The following BBX variants were observed in gnomAD, a reference collection of about 807,000 sequenced individuals.
BBX encodes the protein HMG box transcription factor BBX.
BBX carries 30 observed loss-of-function variants against 100.2 expected under a neutral mutation model. The observed-to-expected ratio is 0.30, with a 90% CI of 0.22 to 0.41. The LOEUF (loss-of-function observed/expected upper bound fraction) is 0.41, where lower values mean the gene tolerates loss of function less well. BBX is among the 10% of genes least tolerant of loss of function. BBX has a pLI of 1.00. For synonymous variants in BBX, 376 were observed against 388.1 expected, an observed-to-expected ratio of 0.97 and a Z score of 0.37; for missense variants, 1,023 against 1,129.8, an observed-to-expected ratio of 0.91 and a Z score of 1.35.
chr3:107,621,210 G>A (rs574795010), intron 2 of BBX, among the ~76,000 whole-genome samples: 3 of 152,226 alleles, frequency 2.0e-5, no homozygotes, highest in African/African-American at 7.2e-5. Context: ...ACTTTTGGGG[G>A]GAGCTGGCTT....
intron 2 of BBX, among the ~76,000 whole-genome samples, chr3:107,625,316 C>T (rs753718710): frequency 3.0e-4 from 46 of 152,122 alleles, no homozygotes; most frequent in Non-Finnish European, 5.9e-4. Context: ...CTCACTCTGT[C>T]TCCCAGTCTG....
intron 7 of BBX, among the ~76,000 whole-genome samples, chr3:107,739,204 A>G (rs1424231080): frequency 6.6e-6 from 1 of 152,202 alleles, no homozygotes; most frequent in Non-Finnish European, 1.5e-5. Flanking sequence ...TATTTGAATT[A>G]ATTAGATATG....
At chr3:107,597,527 TG>T (rs1156875083) in intron 2 of BBX, among the ~76,000 whole-genome samples, 3 of 152,186 alleles carry the variant, frequency 2.0e-5, no homozygotes, top group African/African-American at 4.8e-5. Context: ...TGAATATTAT[TG>T]GGGAAAGAGT....
intron 3 of BBX, among the ~76,000 whole-genome samples, chr3:107,691,057 C>T (rs1160773435): frequency 6.6e-6 from 1 of 151,900 alleles, no homozygotes; most frequent in Non-Finnish European, 1.5e-5. Flanking sequence ...CCGGTGTGCA[C>T]CACCATGCCT....
In BBX at chr3:107,716,718, A is replaced by G. The variant is rs1285434646; in HGVS notation, c.274A>G (p.Lys92Glu). ...AATGAATGCATTTCTTTTATTTTGC[A>G]AACGCCATCGCTCTCTTGTACGTCA... is the stretch of plus-strand genomic sequence containing the variant. ...RPMNAFLLFC[K>E]RHRSLVRQEH... is the part of the protein sequence containing the mutation. Residue 92 changes from lysine to glutamate, a missense_variant, in exon 5 of 18, where the codon AAA becomes GAA. By Grantham distance (56) the Lys-to-Glu change is moderately conservative (BLOSUM62 1). This residue lies in a region of BBX where 229 missense variants were observed against 226.3 expected (regional missense o/e 1.01). Transcript: ENST00000325805. 5.0e-6 allele frequency: 8 copies of G among 1,613,840 alleles called. No homozygotes were observed. The South Asian group carries it at 7.7e-5, about 16-fold the overall frequency.
intron 2 of BBX, among the ~76,000 whole-genome samples, chr3:107,599,133 G>A (rs944145242): frequency 1.3e-5 from 2 of 152,174 alleles, no homozygotes; most frequent in African/African-American, 4.8e-5. Flanking sequence ...TAGTTTACCA[G>A]ATTGACAGAG....
rs146335133 is a variant in BBX, at chr3:107,586,419, A to G, written c.-83-59417A>G. On this transcript the variant is annotated intron_variant, in intron 2 of 17. Transcript: ENST00000325805. ...TTCTGAAACTTGAGTCAAGTAATGG[A>G]CATATCAGGGGTCACCTAGTTTTTA... Among the ~76,000 whole-genome samples the G allele has an allele frequency of 2.1e-3, 315 of 152,282 alleles. 1 individual carries two copies. The highest frequency in any genetic ancestry group is 6.8e-3 in the Middle Eastern group (2 of 294).
chr3:107,743,918 G>GTTTTTTTTTTTTTTTTTTTTTTTTTATT (rs34762783), intron 7 of BBX, among the ~76,000 whole-genome samples: 2 of 56,622 alleles, frequency 3.5e-5, no homozygotes, highest in East Asian at 7.9e-4. Flanking sequence ...TGTTTTAGTG[G>GTTTTTTTTTTTTTTTTTTTTTTTTTATT]TTTTTTTTTT....
intron 2 of BBX, among the ~76,000 whole-genome samples, chr3:107,639,535 A>G (rs1190929318): frequency 6.6e-6 from 1 of 152,154 alleles, no homozygotes; most frequent in Non-Finnish European, 1.5e-5. Context: ...ACATGTTTTT[A>G]TACCCTTCCT....
At chr3:107,709,570 A>C (rs1044303706) in intron 3 of BBX, among the ~76,000 whole-genome samples, 2 of 152,230 alleles carry the variant, frequency 1.3e-5, no homozygotes, top group East Asian at 1.9e-4. Flanking sequence ...GAGTTTTTCC[A>C]TGACAGTAAT....
At position 107,805,765 on chromosome 3, in the gene BBX, C is replaced by T. The variant is rs1245271963; in HGVS notation, c.*308C>T. On this transcript the variant is annotated 3_prime_UTR_variant, in exon 18 of 18. Transcript: ENST00000325805. ...GTAACTTGGTAAAAGGCTGCCTTTA[C>T]TGTAGCTCACCCAGCATCTCTTTTA... The T allele has an allele frequency of 5.3e-6, 2 of 380,780 alleles. No individual in the cohort carries two copies. The highest frequency in any genetic ancestry group is 9.4e-6 in the Non-Finnish European group (2 of 213,642). The allele number at this position is 380,780 out of a possible 1,614,324, so 23.6% of individuals were successfully genotyped here.
chr3:107,545,082 C>G (rs1349166778), intron 2 of BBX, among the ~76,000 whole-genome samples: 2 of 151,390 alleles, frequency 1.3e-5, no homozygotes, highest in African/African-American at 4.8e-5. Context: ...CGTTTCTTTA[C>G]CTCTGCGGTT....
chr3:107,655,592 C>T (rs2058089564), intron 3 of BBX, among the ~76,000 whole-genome samples: 1 of 148,004 alleles, frequency 6.8e-6, no homozygotes, highest in Non-Finnish European at 1.5e-5. Flanking sequence ...CATCAGAGCT[C>T]ACTACAGACT....
intron 2 of BBX, among the ~76,000 whole-genome samples, chr3:107,549,280 T>A (rs535252584): frequency 2.6e-5 from 4 of 152,228 alleles, no homozygotes; most frequent in Admixed American, 2.6e-4. Flanking sequence ...TTAAAAATAC[T>A]GCCTTTATGA....
chr3:107,670,335 A>G (rs2058955313), intron 3 of BBX, among the ~76,000 whole-genome samples: 1 of 152,166 alleles, frequency 6.6e-6, no homozygotes, highest in Non-Finnish European at 1.5e-5. Context: ...TGACAGCTAA[A>G]TAGCAGGAAT....
chr3:107,615,381 A>C lies in BBX; in HGVS notation c.-83-30455A>C, dbSNP rs148355154. On this transcript the variant is annotated intron_variant, in intron 2 of 17. Coordinates refer to ENST00000325805, the MANE Select transcript of BBX (RefSeq NM_001142568.3). ...GGGTAGCTTATAAACAACAGAAATTAATTTCTCATACTTCTGGAGGCTCAG... is the reference window on the plus strand; with the variant it reads ...GGGTAGCTTATAAACAACAGAAATTCATTTCTCATACTTCTGGAGGCTCAG... Among the ~76,000 whole-genome samples the C allele has an allele frequency of 5.3e-5, 8 of 152,272 alleles. No homozygotes were observed. The East Asian group carries it at 1.5e-3, about 29-fold the overall frequency.
intron 3 of BBX, among the ~76,000 whole-genome samples, chr3:107,650,494 A>G (rs374687082): frequency 1.3e-5 from 2 of 152,160 alleles, no homozygotes; most frequent in South Asian, 4.1e-4. Context: ...TTCTCTATTG[A>G]CGTTGTCCCC....
In BBX at chr3:107,618,664, A is replaced by G. The variant is rs537823847; in HGVS notation, c.-83-27172A>G. 7.9e-5 allele frequency among the ~76,000 whole-genome samples: 12 copies of G among 152,018 alleles called. No individual in the cohort carries two copies. In the South Asian group the frequency reaches 2.5e-3, roughly 32 times the overall value. On this transcript the variant is annotated intron_variant, in intron 2 of 17. Coordinates refer to ENST00000325805, the MANE Select transcript of BBX (RefSeq NM_001142568.3). The stretch of plus-strand genomic sequence containing the variant: ...TTTGACCCATGGATTATCTATAAGT[A>G]CGTTGTTTAGTTTCCATGTGTTGGG...
At chr3:107,794,162 ATACT>A (rs1353100706) in intron 15 of BBX, among the ~76,000 whole-genome samples, 6 of 152,154 alleles carry the variant, frequency 3.9e-5, no homozygotes, top group South Asian at 2.1e-4. Flanking sequence ...ATGATAACTA[ATACT>A]TACTACCACT....
Sources: gnomAD v4.1 joint callset for allele counts (sites outside exome capture counted in the v4.1 genomes callset) on GRCh38, gnomAD v4.1.1 for gene constraint, gnomAD v4.1.1 regional missense constraint, MANE v1.5 for transcripts, NCBI Gene and HGNC (gene_info 2026-07-23, HGNC 2026-07-21) for gene names.